DAB1: variants seen among roughly 807,000 people sequenced by gnomAD.
The protein encoded by DAB1 is DAB adaptor protein 1, also known as disabled homolog 1.
DAB1 carries 15 observed loss-of-function variants against 64.6 expected under a neutral mutation model. The ratio of observed to expected loss-of-function variants is 0.23; its 90% CI spans 0.16 to 0.36. The LOEUF is 0.36. Ranked by LOEUF, DAB1 falls within the 10% of genes least tolerant of loss-of-function variation. DAB1 has a pLI of 1.00. For missense variants in DAB1, 596 were observed against 706.7 expected (o/e 0.84, Z 1.78); for synonymous variants, 235 against 251.9 (o/e 0.93, Z 0.64).
intron 3 of DAB1, among the ~76,000 whole-genome samples, chr1:58,431,375 T>C (rs1486062142): frequency 4.6e-5 from 7 of 152,004 alleles, no homozygotes; most frequent in South Asian, 2.1e-4. Context: ...CTGGCCAACA[T>C]GGTGAAACCC....
intron 5 of DAB1, among the ~76,000 whole-genome samples, chr1:57,949,459 T>TTATC (rs71051263): frequency 0.14 from 20,323 of 146,230 alleles, 1,474 homozygotes; most frequent in East Asian, 0.17. Flanking sequence ...AAGCAATTCT[T>TTATC]TATCTATCTA....
At chr1:58,149,899 T>A (rs368194071) in intron 5 of DAB1, among the ~76,000 whole-genome samples, 1 of 152,328 alleles carries the variant, frequency 6.6e-6, no homozygotes, top group East Asian at 1.9e-4. Flanking sequence ...ACTTCTTTTA[T>A]AATGAAGCTA....
chr1:58,363,363 T>C (rs533196614), intron 3 of DAB1, among the ~76,000 whole-genome samples: 1 of 152,222 alleles, frequency 6.6e-6, no homozygotes, highest in East Asian at 1.9e-4. Context: ...AGATTTTACC[T>C]GTCAGATTAT....
At chr1:58,174,114 G>A (rs773324341) in intron 4 of DAB1, among the ~76,000 whole-genome samples, 45 of 152,204 alleles carry the variant, frequency 3.0e-4, no homozygotes, top group Non-Finnish European at 5.4e-4. Flanking sequence ...TGCTGAGAAA[G>A]GAGGACTCTG....
At chr1:58,522,492 C>A (rs1233718837) in intron 2 of DAB1, among the ~76,000 whole-genome samples, 2 of 152,100 alleles carry the variant, frequency 1.3e-5, no homozygotes, top group Non-Finnish European at 2.9e-5. Flanking sequence ...TGCTTTCTTG[C>A]CCCTAAGATC....
chr1:58,484,780 A>G (rs1645546128), intron 3 of DAB1, among the ~76,000 whole-genome samples: 1 of 152,168 alleles, frequency 6.6e-6, no homozygotes, highest in Admixed American at 6.5e-5. Context: ...GGAACCTTAA[A>G]CGTATATTGC....
At chr1:57,581,512 G>A (rs545659182) in intron 7 of DAB1, among the ~76,000 whole-genome samples, 5 of 152,038 alleles carry the variant, frequency 3.3e-5, no homozygotes, top group East Asian at 1.9e-4. Flanking sequence ...CTGAGTGACC[G>A]GACAAAATAC....
chr1:58,052,103 T>A (rs1463845422), intron 5 of DAB1, among the ~76,000 whole-genome samples: 5 of 152,198 alleles, frequency 3.3e-5, no homozygotes, highest in African/African-American at 1.2e-4. Flanking sequence ...GGTGTTTTAG[T>A]CATGAAGTCC....
At chr1:57,161,361 C>T (rs1291357856) in intron 2 of DAB1, among the ~76,000 whole-genome samples, 1 of 152,056 alleles carries the variant, frequency 6.6e-6, no homozygotes, top group Admixed American at 6.5e-5. Flanking sequence ...ACTCAAAGTC[C>T]CCCGGCAAAA....
At chr1:57,364,394 C>T (rs1679797830) in intron 1 of DAB1, among the ~76,000 whole-genome samples, 1 of 152,128 alleles carries the variant, frequency 6.6e-6, no homozygotes, top group Non-Finnish European at 1.5e-5. Flanking sequence ...ATGAGCCATA[C>T]TGGAACAAGA....
chr1:57,018,959 T>C (rs1007719762), intron 11 of DAB1, among the ~76,000 whole-genome samples: 1 of 152,186 alleles, frequency 6.6e-6, no homozygotes, highest in Non-Finnish European at 1.5e-5. Context: ...CTGTGCTGTC[T>C]AACCCTGATT....
At chr1:57,497,246 T>A (rs895425900) in intron 7 of DAB1, among the ~76,000 whole-genome samples, 1 of 152,260 alleles carries the variant, frequency 6.6e-6, no homozygotes, top group Non-Finnish European at 1.5e-5. Context: ...TTATTACTTA[T>A]TAATATGATA....
At chr1:57,323,471 G>T (rs1229950302) in intron 1 of DAB1, among the ~76,000 whole-genome samples, 1 of 152,142 alleles carries the variant, frequency 6.6e-6, no homozygotes, top group Admixed American at 6.5e-5. Context: ...GGGCCTTAAA[G>T]ATTTCTTATT....
chr1:57,816,182 C>T (rs948549469), intron 6 of DAB1, among the ~76,000 whole-genome samples: 1 of 152,190 alleles, frequency 6.6e-6, no homozygotes, highest in Non-Finnish European at 1.5e-5. Context: ...TGAAGATTTA[C>T]ACCACTACAG....
intron 2 of DAB1, among the ~76,000 whole-genome samples, chr1:57,212,569 A>C (rs964960141): frequency 6.6e-6 from 1 of 151,578 alleles, no homozygotes; most frequent in Non-Finnish European, 1.5e-5. Flanking sequence ...GGGTTTCACC[A>C]TGTTAGCCAG....
intron 5 of DAB1, among the ~76,000 whole-genome samples, chr1:57,969,994 C>T (rs1455663336): frequency 6.6e-6 from 1 of 151,944 alleles, no homozygotes; most frequent in Non-Finnish European, 1.5e-5. Context: ...GAATTCACGC[C>T]CTTAATGGGA....
chr1:58,024,758 T>C (rs1025311185), intron 5 of DAB1, among the ~76,000 whole-genome samples: 3 of 152,150 alleles, frequency 2.0e-5, no homozygotes, highest in Non-Finnish European at 4.4e-5. Context: ...GTAAAGTAAA[T>C]TGCCTTTTCT....
At chr1:58,318,385 T>G (rs1471767904) in intron 4 of DAB1, among the ~76,000 whole-genome samples, 1 of 152,204 alleles carries the variant, frequency 6.6e-6, no homozygotes, top group Non-Finnish European at 1.5e-5. Flanking sequence ...GGAGGGCTTC[T>G]TTTAAGTTCA....
chr1:58,050,679 G>A (rs920687018), intron 5 of DAB1, among the ~76,000 whole-genome samples: 3 of 152,054 alleles, frequency 2.0e-5, no homozygotes, highest in African/African-American at 7.2e-5. Flanking sequence ...ACAGGTGCCC[G>A]CCACCTCGCC....
Sources: gnomAD v4.1 joint callset for allele counts (sites outside exome capture counted in the v4.1 genomes callset) on GRCh38, gnomAD v4.1.1 for gene constraint, MANE v1.5 for transcripts, NCBI Gene and HGNC (gene_info 2026-07-23, HGNC 2026-07-21) for gene names.